PTPRK: variants seen among roughly 807,000 people sequenced by gnomAD.
PTPRK encodes the protein receptor-type tyrosine-protein phosphatase kappa.
PTPRK carries 75 observed loss-of-function variants against 178.0 expected under a neutral mutation model. The ratio of observed to expected loss-of-function variants is 0.42; its 90% CI spans 0.35 to 0.51. The LOEUF is 0.51. Ranked by LOEUF, PTPRK falls within the 20% of genes least tolerant of loss-of-function variation. PTPRK has a pLI of 0.02. For synonymous variants in PTPRK, 637 were observed against 620.6 expected, an observed-to-expected ratio of 1.03 and a Z score of -0.39; for missense variants, 1,441 against 1,797.8, an observed-to-expected ratio of 0.80 and a Z score of 3.59.
At chr6:128,139,801 C>T (rs1335782874) in intron 7 of PTPRK, among the ~76,000 whole-genome samples, 1 of 151,986 alleles carries the variant, frequency 6.6e-6, no homozygotes. Flanking sequence ...CTACTTCTCC[C>T]AATCTAAATG....
chr6:128,017,638 C>T (rs1779722477), intron 13 of PTPRK, among the ~76,000 whole-genome samples: 2 of 150,496 alleles, frequency 1.3e-5, no homozygotes, highest in African/African-American at 4.9e-5. Flanking sequence ...TAGCATCCCC[C>T]TTCAGGTATT....
chr6:128,397,126 C>T (rs139279123), intron 2 of PTPRK, among the ~76,000 whole-genome samples: 1 of 152,246 alleles, frequency 6.6e-6, no homozygotes, highest in African/African-American at 2.4e-5. Flanking sequence ...TGCTCATGAC[C>T]ACTGGGAGAA....
rs1201848782 is a variant in PTPRK, at chr6:128,099,276, C to T, written c.1163-9284G>A. ...ATGTTTTTCTCAACTACATAACTCCCTTGTAAATATTTTATATCTCCCCTT... is the reference window on the plus strand; with the variant it reads ...ATGTTTTTCTCAACTACATAACTCCTTTGTAAATATTTTATATCTCCCCTT... On this transcript the variant is annotated intron_variant, in intron 7 of 29. Transcript: ENST00000368226. Among the ~76,000 whole-genome samples, 3 of 151,462 alleles carry T rather than the reference C, an allele frequency of 2.0e-5. No individual in the cohort carries two copies. The East Asian group carries it at 5.8e-4, about 29-fold the overall frequency.
chr6:127,996,926 T>G lies in PTPRK; in HGVS notation c.2742A>C (p.Lys914Asn). The G allele has an allele frequency of 6.2e-7, 1 of 1,611,448 alleles. No homozygotes were observed. The highest frequency in any genetic ancestry group is 8.5e-7 in the Non-Finnish European group (1 of 1,178,590). ...ATGCTATAATGTTTCCATATCGGTT[T>G]TTTGCTCTATTTTGATCTTTTTTAG... ...DVAKKDQNRA[K>N]NRYGNIIAYD... The change falls in exon 17 of 30, where the codon AAA becomes AAC. Residue 914 changes from lysine to asparagine, a missense_variant. Coordinates refer to ENST00000368226, the MANE Select transcript of PTPRK (RefSeq NM_002844.4).
intron 14 of PTPRK, 128 bp from the exon 15 acceptor site, chr6:128,005,372 G>A: frequency 2.8e-6 from 2 of 725,296 alleles, no homozygotes; most frequent in Non-Finnish European, 4.2e-6. Flanking sequence ...CCCAAGCACT[G>A]GTCACAATTT....
At chr6:128,391,611 C>A (rs931882047) in intron 2 of PTPRK, among the ~76,000 whole-genome samples, 6 of 151,956 alleles carry the variant, frequency 3.9e-5, no homozygotes, top group African/African-American at 1.4e-4. Context: ...TTGTAAAAAA[C>A]TATGCTTTTT....
chr6:128,468,105 G>A (rs758845635), intron 1 of PTPRK, among the ~76,000 whole-genome samples: 14 of 152,122 alleles, frequency 9.2e-5, no homozygotes, highest in Non-Finnish European at 1.6e-4. Flanking sequence ...CTAACATCTC[G>A]CACAACGCGT....
At chr6:128,059,696 G>C (rs771053345) in intron 13 of PTPRK, among the ~76,000 whole-genome samples, 1 of 152,110 alleles carries the variant, frequency 6.6e-6, no homozygotes, top group Non-Finnish European at 1.5e-5. Context: ...ACCTGCAACA[G>C]GCTCCTCAGG....
chr6:128,317,069 G>A (rs1226926566), intron 3 of PTPRK, among the ~76,000 whole-genome samples: 2 of 152,130 alleles, frequency 1.3e-5, no homozygotes, highest in South Asian at 2.1e-4. Context: ...CACGATGACC[G>A]TGTTAGGTAA....
At chr6:128,217,613 T>C (rs925323138) in intron 6 of PTPRK, among the ~76,000 whole-genome samples, 4 of 152,314 alleles carry the variant, frequency 2.6e-5, no homozygotes, top group Admixed American at 2.0e-4. Context: ...CAATATTGAA[T>C]AATATATGTA....
chr6:128,222,262 G>A (rs1810549911), intron 5 of PTPRK, among the ~76,000 whole-genome samples: 1 of 151,908 alleles, frequency 6.6e-6, no homozygotes, highest in Admixed American at 6.6e-5. Flanking sequence ...ACCTTTATTG[G>A]CATTCCTCTC....
chr6:128,489,672 T>C (rs1853484851), intron 1 of PTPRK, among the ~76,000 whole-genome samples: 1 of 152,248 alleles, frequency 6.6e-6, no homozygotes, highest in African/African-American at 2.4e-5. Context: ...GTACACATTG[T>C]CTGTTCTTCA....
chr6:128,363,502 A>C (rs1037399611), intron 2 of PTPRK, among the ~76,000 whole-genome samples: 1 of 152,204 alleles, frequency 6.6e-6, no homozygotes, highest in Admixed American at 6.6e-5. Flanking sequence ...ACCTTTCAAA[A>C]TCAAAGAGTT....
intron 4 of PTPRK, 92 bp downstream of exon 4, chr6:128,242,429 A>C: frequency 6.6e-7 from 1 of 1,508,056 alleles, no homozygotes; most frequent in Non-Finnish European, 8.8e-7. Flanking sequence ...GAGAGACAGC[A>C]AAAACCAAGT....
intron 2 of PTPRK, among the ~76,000 whole-genome samples, chr6:128,343,500 CAAAAA>C (rs1199189035): frequency 1.5e-5 from 1 of 68,372 alleles, no homozygotes. Flanking sequence ...AACTCCATCT[CAAAAA>C]AAAAAAAAAA....
At chr6:128,069,481 C>T (rs867728067) in intron 11 of PTPRK, among the ~76,000 whole-genome samples, 3 of 152,016 alleles carry the variant, frequency 2.0e-5, no homozygotes, top group South Asian at 2.1e-4. Context: ...TGGAGAAAGA[C>T]GAGAATGATC....
chr6:128,416,009 T>A (rs1312916722), intron 1 of PTPRK, among the ~76,000 whole-genome samples: 1 of 152,146 alleles, frequency 6.6e-6, no homozygotes, highest in East Asian at 1.9e-4. Context: ...TCAATAAACA[T>A]GTAGTGAAGT....
chr6:128,069,887 G>T (rs1247255169), intron 11 of PTPRK, among the ~76,000 whole-genome samples: 1 of 152,082 alleles, frequency 6.6e-6, no homozygotes, highest in Non-Finnish European at 1.5e-5. Flanking sequence ...AGTAAAGGAA[G>T]AAAAGGTGCA....
At chr6:128,047,173 T>G (rs1048820333) in intron 13 of PTPRK, among the ~76,000 whole-genome samples, 1 of 152,212 alleles carries the variant, frequency 6.6e-6, no homozygotes, top group Non-Finnish European at 1.5e-5. Context: ...AAATCTTGCA[T>G]GTACTTCTAC....
Sources: allele counts gnomAD v4.1 joint callset (sites outside exome capture counted in the v4.1 genomes callset), GRCh38; gene constraint gnomAD v4.1.1; transcripts MANE v1.5; gene names NCBI Gene and HGNC (gene_info 2026-07-23, HGNC 2026-07-21).